The following DCC variants were observed in gnomAD, a reference collection of about 807,000 sequenced individuals.
DCC encodes the protein DCC netrin 1 receptor, also known as netrin receptor DCC.
In DCC, 58 loss-of-function variants were observed where a neutral mutation model predicts 172.5. The observed-to-expected ratio is 0.34, with a 90% confidence interval of 0.27 to 0.42. The LOEUF is 0.42. Ranked by LOEUF, DCC falls within the 10% of genes least tolerant of loss-of-function variation. DCC has a pLI of 1.00. For missense variants in DCC, 1,740 were observed against 1,791.0 expected, an observed-to-expected ratio of 0.97 and a Z score of 0.51; for synonymous variants, 709 against 644.5, an observed-to-expected ratio of 1.10 and a Z score of -1.52.
chr18:53,114,559 C>G (rs2043383101), intron 7 of DCC, among the ~76,000 whole-genome samples: 2 of 151,548 alleles, frequency 1.3e-5, no homozygotes, highest in Admixed American at 1.3e-4. Flanking sequence ...AATGTGGAAG[C>G]CACAATTTTT....
intron 1 of DCC, among the ~76,000 whole-genome samples, chr18:52,432,088 A>C (rs1253349253): frequency 2.6e-5 from 4 of 151,958 alleles, no homozygotes; most frequent in Non-Finnish European, 4.4e-5. Flanking sequence ...GATGGCTTTT[A>C]TATATTTTTT....
chr18:53,071,029 C>T (rs1341913335), intron 7 of DCC, among the ~76,000 whole-genome samples: 3 of 152,130 alleles, frequency 2.0e-5, no homozygotes, highest in Non-Finnish European at 2.9e-5. Flanking sequence ...ACATTGTGGG[C>T]GTGCATTACC....
intron 12 of DCC, among the ~76,000 whole-genome samples, chr18:53,253,147 C>T (rs1294229277): frequency 3.3e-5 from 5 of 151,654 alleles, no homozygotes; most frequent in African/African-American, 9.7e-5. Context: ...TGATCCAAAC[C>T]GAGACAGTCA....
intron 15 of DCC, among the ~76,000 whole-genome samples, chr18:53,362,748 A>G (rs571646334): frequency 1.3e-5 from 2 of 152,234 alleles, no homozygotes; most frequent in East Asian, 3.9e-4. Context: ...TTATTATTAG[A>G]CATTGAGGAG....
chr18:53,080,781 A>G (rs2042788235), intron 7 of DCC, among the ~76,000 whole-genome samples: 1 of 152,060 alleles, frequency 6.6e-6, no homozygotes, highest in African/African-American at 2.4e-5. Flanking sequence ...ATTGAAAAGG[A>G]GCTTTTGATG....
intron 12 of DCC, among the ~76,000 whole-genome samples, chr18:53,239,059 G>C (rs1397278166): frequency 2.2e-5 from 3 of 135,816 alleles, no homozygotes; most frequent in East Asian, 2.6e-4. Flanking sequence ...TGGGGGGAGG[G>C]GGGAGGGATA....
chr18:52,923,057 C>T (rs6508177), intron 3 of DCC, among the ~76,000 whole-genome samples: 59,967 of 151,890 alleles, frequency 0.39, 12,415 homozygotes, highest in Non-Finnish European at 0.47. Flanking sequence ...GAGACCTTCA[C>T]TGACCCAGGG....
intron 12 of DCC, among the ~76,000 whole-genome samples, chr18:53,275,229 C>T (rs1257516003): frequency 1.3e-5 from 2 of 152,036 alleles, no homozygotes; most frequent in African/African-American, 4.8e-5. Context: ...AACATATACC[C>T]ATATTTAGCC....
At chr18:52,510,373 G>A (rs1178532373) in intron 1 of DCC, among the ~76,000 whole-genome samples, 4 of 152,166 alleles carry the variant, frequency 2.6e-5, no homozygotes, top group African/African-American at 9.7e-5. Flanking sequence ...GTGCCTGTAG[G>A]ATCCGTGGCA....
chr18:53,495,573 G>A (rs1215030416), intron 26 of DCC, among the ~76,000 whole-genome samples: 2 of 151,924 alleles, frequency 1.3e-5, no homozygotes, highest in African/African-American at 2.4e-5. Flanking sequence ...TTCAACCTTG[G>A]TGAATCTGAC....
chr18:53,412,454 C>A (rs953121), intron 20 of DCC, among the ~76,000 whole-genome samples: 65,640 of 151,952 alleles, frequency 0.43, 15,997 homozygotes, highest in Non-Finnish European at 0.56. Context: ...TAAGAGATTT[C>A]AAGCTACAAC....
chr18:53,286,469 A>T (rs748565378), intron 12 of DCC, among the ~76,000 whole-genome samples: 10 of 152,158 alleles, frequency 6.6e-5, no homozygotes, highest in Non-Finnish European at 1.5e-4. Context: ...CCTTCTAGTG[A>T]CTTGGAACTG....
intron 1 of DCC, among the ~76,000 whole-genome samples, chr18:52,651,921 G>A (rs553620418): frequency 6.6e-6 from 1 of 152,320 alleles, no homozygotes; most frequent in South Asian, 2.1e-4. Flanking sequence ...GATATGTAAA[G>A]CCTTTCAAAG....
chr18:52,720,320 A>G (rs181843562), intron 1 of DCC, among the ~76,000 whole-genome samples: 111 of 152,322 alleles, frequency 7.3e-4, no homozygotes, highest in African/African-American at 2.6e-3. Context: ...CTTGAGTTCT[A>G]TGAGCGCTCT....
At chr18:52,787,889 A>G (rs924300404) in intron 2 of DCC, among the ~76,000 whole-genome samples, 1 of 152,138 alleles carries the variant, frequency 6.6e-6, no homozygotes, top group Non-Finnish European at 1.5e-5. Context: ...TTACCCTTGC[A>G]TTAGTTTATT....
chr18:52,575,977 C>T (rs946455541), intron 1 of DCC, among the ~76,000 whole-genome samples: 4 of 152,036 alleles, frequency 2.6e-5, no homozygotes, highest in Admixed American at 6.5e-5. Context: ...GATGGGTAAG[C>T]GAAGGAAGAT....
intron 1 of DCC, among the ~76,000 whole-genome samples, chr18:52,357,836 G>T (rs956416363): frequency 6.6e-6 from 1 of 151,788 alleles, no homozygotes; most frequent in Non-Finnish European, 1.5e-5. Flanking sequence ...TACTCGGGAG[G>T]CTGAGGCAGG....
chr18:53,311,557 G>C (rs144422702), intron 13 of DCC, among the ~76,000 whole-genome samples: 5 of 152,160 alleles, frequency 3.3e-5, no homozygotes, highest in Admixed American at 6.5e-5. Flanking sequence ...TTCACTATGC[G>C]TGTTGTCATC....
intron 1 of DCC, among the ~76,000 whole-genome samples, chr18:52,532,176 C>T (rs1412831567): frequency 1.3e-5 from 2 of 152,088 alleles, no homozygotes; most frequent in African/African-American, 4.8e-5. Flanking sequence ...TGATGCTTAT[C>T]TTCTAGTTTC....
Sources: gnomAD v4.1 joint callset for allele counts (sites outside exome capture counted in the v4.1 genomes callset) on GRCh38, gnomAD v4.1.1 for gene constraint, MANE v1.5 for transcripts, NCBI Gene and HGNC (gene_info 2026-07-23, HGNC 2026-07-21) for gene names.